LVRN: variants seen among roughly 807,000 people sequenced by gnomAD.
LVRN encodes laeverin, also known as aminopeptidase Q.
In LVRN, 99 loss-of-function variants were observed where a neutral mutation model predicts 111.4. The ratio of observed to expected loss-of-function variants is 0.89; its 90% CI spans 0.76 to 1.05. The LOEUF (loss-of-function observed/expected upper bound fraction) is 1.05, where lower values mean the gene tolerates loss of function less well. Ranked by LOEUF, LVRN falls within the 50% of genes least tolerant of loss-of-function variation. The pLI, the probability that LVRN is intolerant of heterozygous loss-of-function variation, is 0.00. For synonymous variants in LVRN, 488 were observed against 449.5 expected (o/e 1.09, Z -1.08); for missense variants, 1,414 against 1,206.8 (o/e 1.17, Z -2.54).
intron 5 of LVRN, among the ~76,000 whole-genome samples, chr5:115,992,793 A>G (rs1748024586): frequency 6.6e-6 from 1 of 152,156 alleles, no homozygotes; most frequent in Non-Finnish European, 1.5e-5. Context: ...ATTTAATCAG[A>G]TCTATTTGCT....
At chr5:115,966,037 C>T (rs1753194332) in intron 1 of LVRN, among the ~76,000 whole-genome samples, 1 of 152,150 alleles carries the variant, frequency 6.6e-6, no homozygotes, top group Non-Finnish European at 1.5e-5. Flanking sequence ...TACCCTTCAT[C>T]TAGTTTATCT....
At chr5:115,994,854 A>G (rs565144018) in intron 6 of LVRN, among the ~76,000 whole-genome samples, 40 of 152,320 alleles carry the variant, frequency 2.6e-4, no homozygotes, top group African/African-American at 9.1e-4. Flanking sequence ...ACTTAATGTT[A>G]TCTTTTGATA....
chr5:115,966,260 C>G (rs1753200203), intron 1 of LVRN, among the ~76,000 whole-genome samples: 1 of 152,170 alleles, frequency 6.6e-6, no homozygotes, highest in African/African-American at 2.4e-5. Flanking sequence ...AACCACTAAT[C>G]CGTTCCATCT....
At chr5:116,019,243 A>C (rs1359952014) in intron 18 of LVRN, among the ~76,000 whole-genome samples, 2 of 152,226 alleles carry the variant, frequency 1.3e-5, no homozygotes, top group Admixed American at 1.3e-4. Context: ...AATGTGCTAA[A>C]AGGCATTGTG....
intron 1 of LVRN, among the ~76,000 whole-genome samples, chr5:115,978,742 T>C (rs549502855): frequency 6.6e-6 from 1 of 152,280 alleles, no homozygotes; most frequent in African/African-American, 2.4e-5. Context: ...CCTTCTTCTT[T>C]TCTTTACCTC....
chr5:115,978,484 G>A (rs1272554284), intron 1 of LVRN, among the ~76,000 whole-genome samples: 1 of 152,106 alleles, frequency 6.6e-6, no homozygotes, highest in African/African-American at 2.4e-5. Context: ...TTTCTGCTCT[G>A]CATGAGGACC....
chr5:115,987,085 T>G (rs1747886497), intron 3 of LVRN, among the ~76,000 whole-genome samples: 1 of 152,158 alleles, frequency 6.6e-6, no homozygotes, highest in African/African-American at 2.4e-5. Flanking sequence ...ATAATTAATG[T>G]TAAAACAATA....
Position 116,000,648 on chromosome 5 carries a change from A to G in LVRN, c.1637A>G (p.His546Arg), listed in dbSNP as rs866485553. ...SNAEQDDLWR[H>R]FQMAIDDQST... Reference sequence around the variant, plus strand: ...GCTGAGCAAGATGATCTATGGAGGCATTTTCAAATGGTAATTGTCCTACTT... The same window carrying G: ...GCTGAGCAAGATGATCTATGGAGGCGTTTTCAAATGGTAATTGTCCTACTT... The change falls in exon 9 of 20, where the codon CAT becomes CGT. Residue 546 changes from histidine to arginine, a missense_variant. Coordinates refer to ENST00000357872, the MANE Select transcript of LVRN (RefSeq NM_173800.5). 5 of 1,613,672 alleles carry G rather than the reference A, an allele frequency of 3.1e-6. No homozygotes were observed. The African/African-American group carries it at 6.7e-5, about 22-fold the overall frequency.
intron 13 of LVRN, among the ~76,000 whole-genome samples, chr5:116,009,744 T>C (rs910520045): frequency 1.3e-5 from 2 of 152,204 alleles, no homozygotes; most frequent in Non-Finnish European, 1.5e-5. Flanking sequence ...TGCTGCAATC[T>C]CATGATCAAA....
chr5:116,018,882 C>A (rs1478720966), intron 18 of LVRN, among the ~76,000 whole-genome samples: 1 of 151,890 alleles, frequency 6.6e-6, no homozygotes, highest in Non-Finnish European at 1.5e-5. Context: ...GTTTTAAGTT[C>A]ACAGCAAAAT....
At chr5:116,010,522 G>T (rs1748464677) in intron 13 of LVRN, 4 of 597,270 alleles carry the variant, frequency 6.7e-6, no homozygotes, top group Admixed American at 2.1e-5. Context: ...TAGCCTTCAA[G>T]ACTTTGGACA....
At chr5:116,017,259 A>G (rs991483850) in intron 18 of LVRN, among the ~76,000 whole-genome samples, 6 of 152,200 alleles carry the variant, frequency 3.9e-5, no homozygotes, top group Non-Finnish European at 8.8e-5. Flanking sequence ...TGGGAAGGTA[A>G]GTTGAGGCTC....
Position 115,962,961 on chromosome 5 carries a change from T to G in LVRN, c.344T>G (p.Leu115Arg). ...LHYDLELWPQ[L>R]RPDELPAGSL... ...TACGATCTGGAGCTGTGGCCGCAGCTGAGGCCCGACGAGCTTCCGGCCGGG... is the reference window on the plus strand; with the variant it reads ...TACGATCTGGAGCTGTGGCCGCAGCGGAGGCCCGACGAGCTTCCGGCCGGG... The change falls in exon 1 of 20, where the codon CTG becomes CGG. Residue 115 changes from leucine to arginine, a missense_variant. Coordinates refer to ENST00000357872, the MANE Select transcript of LVRN (RefSeq NM_173800.5). The G allele has an allele frequency of 6.2e-7, 1 of 1,613,258 alleles. No homozygotes were observed. Among genetic ancestry groups the G allele is most frequent in the Non-Finnish European group, 8.5e-7 (1 of 1,179,872 alleles).
At chr5:116,007,738 G>A (rs1314584593) in intron 13 of LVRN, among the ~76,000 whole-genome samples, 1 of 152,164 alleles carries the variant, frequency 6.6e-6, no homozygotes, top group African/African-American at 2.4e-5. Flanking sequence ...TTGAAGATTT[G>A]TGATAACTCT....
intron 6 of LVRN, among the ~76,000 whole-genome samples, chr5:115,998,751 A>G (rs979242382): frequency 6.6e-6 from 1 of 152,214 alleles, no homozygotes; most frequent in Non-Finnish European, 1.5e-5. Flanking sequence ...GAATCAGAAC[A>G]TGATTTTGAC....
At position 115,962,719 on chromosome 5, in the gene LVRN, C is replaced by T. The variant is rs764385281; in HGVS notation, c.102C>T (p.Ala34=). Reference sequence around the variant, plus strand: ...TCCTGCTGGCGCTGGCCGTACTCGCCGCCTTGTACGGCCACTGCGAGCGCG... The same window carrying T: ...TCCTGCTGGCGCTGGCCGTACTCGCTGCCTTGTACGGCCACTGCGAGCGCG... ...AALLLALAVL[A]ALYGHCERVP... Residue 34 remains alanine (A), a synonymous_variant, in exon 1 of 20, where the codon GCC becomes GCT. Coordinates refer to ENST00000357872, the MANE Select transcript of LVRN (RefSeq NM_173800.5). 1.9e-6 allele frequency: 3 copies of T among 1,612,016 alleles called. No individual in the cohort carries two copies. The highest frequency in any genetic ancestry group is 1.7e-6 in the Non-Finnish European group (2 of 1,179,656).
intron 12 of LVRN, among the ~76,000 whole-genome samples, chr5:116,004,108 A>G (rs900133039): frequency 2.0e-5 from 3 of 152,214 alleles, no homozygotes; most frequent in Admixed American, 1.3e-4. Context: ...TAAACTCATA[A>G]TAGGTAATCA....
intron 13 of LVRN, among the ~76,000 whole-genome samples, chr5:116,010,320 A>T (rs1748458237): frequency 1.3e-5 from 2 of 152,234 alleles, no homozygotes; most frequent in Admixed American, 1.3e-4. Flanking sequence ...TGTGGTCTGG[A>T]ACAGAATCCA....
chr5:115,995,874 G>A (rs776321218), intron 6 of LVRN, among the ~76,000 whole-genome samples: 8 of 152,166 alleles, frequency 5.3e-5, no homozygotes, highest in Non-Finnish European at 1.0e-4. Flanking sequence ...GGCCAACTGC[G>A]AAGCCCATGC....
Sources: gnomAD v4.1 joint callset for allele counts (sites outside exome capture counted in the v4.1 genomes callset) on GRCh38, gnomAD v4.1.1 for gene constraint, MANE v1.5 for transcripts, NCBI Gene and HGNC (gene_info 2026-07-23, HGNC 2026-07-21) for gene names.